Variants in NRG1 observed in about 807,000 individuals in gnomAD.
NRG1 encodes the protein pro-neuregulin-1, membrane-bound isoform.
A neutral mutation model predicts 63.8 loss-of-function variants in NRG1; 18 were observed. The ratio of observed to expected loss-of-function variants is 0.28; its 90% confidence interval spans 0.19 to 0.42. NRG1 has a LOEUF of 0.42. Ranked by LOEUF, NRG1 falls within the 10% of genes least tolerant of loss-of-function variation. The probability of loss-of-function intolerance (pLI) is 1.00; values close to 1 mark genes in which losing one functional copy is unlikely to be tolerated. For synonymous variants in NRG1, 302 were observed against 301.3 expected (o/e 1.00, Z -0.02); for missense variants, 762 against 814.7 (o/e 0.94, Z 0.79).
chr8:32,434,495 C>T (rs371626269), intron 1 of NRG1, among the ~76,000 whole-genome samples: 1 of 152,060 alleles, frequency 6.6e-6, no homozygotes. Context: ...GTTTAGGATG[C>T]CCCGAATAAC....
chr8:32,022,111 T>A (rs1225963670), intron 1 of NRG1, among the ~76,000 whole-genome samples: 2 of 152,186 alleles, frequency 1.3e-5, no homozygotes, highest in African/African-American at 4.8e-5. Flanking sequence ...AAATTCTTAG[T>A]CATATATACT....
At chr8:32,299,791 T>A (rs1453156465) in intron 1 of NRG1, among the ~76,000 whole-genome samples, 1 of 152,116 alleles carries the variant, frequency 6.6e-6, no homozygotes, top group Non-Finnish European at 1.5e-5. Flanking sequence ...ACTTATTCAC[T>A]ATCACGAGAA....
upstream of NRG1, among the ~76,000 whole-genome samples, chr8:32,546,878 A>C (rs1833127726): frequency 6.6e-6 from 1 of 152,282 alleles, no homozygotes; most frequent in South Asian, 2.1e-4. Context: ...TCCCATCTAC[A>C]TATCAAGGAG....
intron 1 of NRG1, among the ~76,000 whole-genome samples, chr8:32,348,369 TA>T (rs1805173923): frequency 6.6e-6 from 1 of 152,186 alleles, no homozygotes; most frequent in Non-Finnish European, 1.5e-5. Context: ...CTTGTGACCA[TA>T]AAATAAAATT....
intron 3 of NRG1, 24 bp downstream of exon 3, chr8:32,605,707 G>A: frequency 6.2e-7 from 1 of 1,610,528 alleles, no homozygotes; most frequent in Non-Finnish European, 8.5e-7. Context: ...ACGGTATTCT[G>A]TTCCTCAATC....
intron 1 of NRG1, among the ~76,000 whole-genome samples, chr8:31,878,053 C>G (rs1258109619): frequency 6.6e-6 from 1 of 152,136 alleles, no homozygotes; most frequent in Non-Finnish European, 1.5e-5. Flanking sequence ...CTCAATATTT[C>G]AGAAAACGAC....
At chr8:32,126,987 C>G (rs1834153945) in intron 1 of NRG1, among the ~76,000 whole-genome samples, 1 of 151,778 alleles carries the variant, frequency 6.6e-6, no homozygotes, top group Non-Finnish European at 1.5e-5. Context: ...AGAAGAAATG[C>G]CCAGTGGAGA....
intron 1 of NRG1, among the ~76,000 whole-genome samples, chr8:31,956,323 G>A (rs778203168): frequency 5.9e-5 from 9 of 152,132 alleles, no homozygotes; most frequent in Non-Finnish European, 1.3e-4. Flanking sequence ...GGAGGGAGAA[G>A]CTAACTTTCA....
rs572442407 is a variant in NRG1 at position 32,339,141 on chromosome 8, T to G, written c.38-256687T>G. 8.0e-4 allele frequency among the ~76,000 whole-genome samples: 122 copies of G among 152,308 alleles called. 1 individual carries two copies. The South Asian group carries it at 0.022, about 28-fold the overall frequency. ...ATCATCTTTTCCTCTTAACATTATT[T>G]CCATGTACTACAGTTCCCTCTCCCT... On this transcript the variant is annotated intron_variant, in intron 1 of 10. Coordinates refer to the NRG1 transcript ENST00000519301.
intron 1 of NRG1, among the ~76,000 whole-genome samples, chr8:31,666,565 C>A (rs928365690): frequency 1.2e-4 from 18 of 152,210 alleles, no homozygotes. Context: ...CTTTCTCTGG[C>A]AAAACATTCA....
intron 1 of NRG1, among the ~76,000 whole-genome samples, chr8:32,270,295 G>C (rs964198921): frequency 6.6e-6 from 1 of 152,206 alleles, no homozygotes; most frequent in Non-Finnish European, 1.5e-5. Context: ...GGAGGGATCA[G>C]AAGCAGGCTT....
At chr8:31,693,507 AAAG>A (rs202244486) in intron 1 of NRG1, among the ~76,000 whole-genome samples, 2,842 of 152,050 alleles carry the variant, frequency 0.019, 114 homozygotes, top group African/African-American at 0.065. Flanking sequence ...TAAAAAAAAA[AAAG>A]AATGCCTAGC....
At chr8:32,171,197 A>G (rs1044990633) in intron 1 of NRG1, among the ~76,000 whole-genome samples, 2 of 152,150 alleles carry the variant, frequency 1.3e-5, no homozygotes, top group Non-Finnish European at 2.9e-5. Flanking sequence ...TTATAACACT[A>G]TTTTTTAAAT....
At position 32,058,772 on chromosome 8, in the gene NRG1, C is replaced by T. The variant is rs146943095; in HGVS notation, c.37+419341C>T. Among the ~76,000 whole-genome samples, 433 of 152,044 alleles carry T rather than the reference C, an allele frequency of 2.8e-3. 3 individuals carry two copies. The highest frequency in any genetic ancestry group is 9.5e-3 in the African/African-American group (395 of 41,526). Reference sequence around the variant, plus strand: ...ATAGCTGCAAGCTTTAAGTAAAACACGTAAAGTCATTTTCTTGTTCTGATG... The same window carrying T: ...ATAGCTGCAAGCTTTAAGTAAAACATGTAAAGTCATTTTCTTGTTCTGATG... On this transcript the variant is annotated intron_variant, in intron 1 of 10. Coordinates refer to the NRG1 transcript ENST00000519301.
intron 5 of NRG1, among the ~76,000 whole-genome samples, chr8:32,628,239 G>A (rs1177915545): frequency 2.6e-5 from 4 of 152,100 alleles, no homozygotes; most frequent in Non-Finnish European, 5.9e-5. Context: ...AAGAGGCATA[G>A]CCTTACATAT....
At chr8:32,561,755 C>T (rs1836439316) in intron 1 of NRG1, among the ~76,000 whole-genome samples, 1 of 151,312 alleles carries the variant, frequency 6.6e-6, no homozygotes, top group Admixed American at 6.6e-5. Context: ...CCCAGAGACC[C>T]AGGGGTCAAA....
chr8:32,437,256 A>T (rs911145842), intron 1 of NRG1, among the ~76,000 whole-genome samples: 4 of 151,722 alleles, frequency 2.6e-5, no homozygotes, highest in Admixed American at 2.0e-4. Flanking sequence ...GCTTCCCCCA[A>T]TGCCTCCTCT....
rs529594040 is a variant in NRG1, at chr8:32,423,780, C to T, written c.38-172048C>T. Among the ~76,000 whole-genome samples, 4 of 152,272 alleles carry T rather than the reference C, an allele frequency of 2.6e-5. No individual in the cohort carries two copies. The East Asian group carries it at 7.7e-4, about 29-fold the overall frequency. ...CACTTATTCCTTTCTTAAAATGTGG[C>T]TTTCAAATATTTGCTTTGCATGCAG... On this transcript the variant is annotated intron_variant, in intron 1 of 10. Coordinates refer to the NRG1 transcript ENST00000519301.
chr8:32,654,066 G>C (rs1855745999), intron 5 of NRG1, among the ~76,000 whole-genome samples: 1 of 151,962 alleles, frequency 6.6e-6, no homozygotes. Context: ...GAGATTATTT[G>C]TGTCACTTCC....
Sources: gnomAD v4.1 joint callset for allele counts (sites outside exome capture counted in the v4.1 genomes callset) on GRCh38, gnomAD v4.1.1 for gene constraint, MANE v1.5 for transcripts, NCBI Gene and HGNC (gene_info 2026-07-23, HGNC 2026-07-21) for gene names.